Variants in TICRR observed in about 807,000 individuals in gnomAD.
TICRR encodes treslin.
TICRR carries 132 observed loss-of-function variants against 178.1 expected under a neutral mutation model. The observed-to-expected ratio is 0.74, with a 90% CI of 0.64 to 0.86. The LOEUF (loss-of-function observed/expected upper bound fraction) is 0.86, where lower values mean the gene tolerates loss of function less well. TICRR is among the 40% of genes least tolerant of loss of function. The pLI, the probability that TICRR is intolerant of heterozygous loss-of-function variation, is 0.00. For missense variants in TICRR, 2,587 were observed against 2,334.3 expected (o/e 1.11, Z -2.23); for synonymous variants, 991 against 900.7 (o/e 1.10, Z -1.79).
intron 15 of TICRR, among the ~76,000 whole-genome samples, chr15:89,612,563 C>T (rs1470473250): frequency 2.0e-5 from 3 of 152,228 alleles, no homozygotes; most frequent in African/African-American, 4.8e-5. Context: ...AGTTCATGCA[C>T]ATCATTCCCT....
In TICRR at chr15:89,625,616, G is replaced by T; in HGVS notation, c.5306G>T (p.Gly1769Val). Residue 1769 changes from glycine to valine, a missense_variant, in exon 20 of 22, where the codon GGG becomes GTG. Physicochemically the swap from Gly to Val is moderately radical, Grantham distance 109. Coordinates refer to ENST00000268138, the MANE Select transcript of TICRR (RefSeq NM_152259.4). ...GAAGCCTCTTCCTGGGGACAGTTTG[G>T]GTTGAGTTCCAGGAAGAGAGTCCTG... Reference protein sequence around the residue: ...AEEASSWGQFGLSSRKRVLLA... With the variant: ...AEEASSWGQFVLSSRKRVLLA... 1.2e-6 allele frequency: 2 copies of T among 1,613,268 alleles called. No individual in the cohort carries two copies. Among genetic ancestry groups the T allele is most frequent in the Non-Finnish European group, 1.7e-6 (2 of 1,179,996 alleles).
Position 89,601,983 on chromosome 15 carries a change from G to A in TICRR, c.2567+7G>A. The A allele has an allele frequency of 6.2e-7, 1 of 1,613,744 alleles. No homozygotes were observed. Among genetic ancestry groups the A allele is most frequent in the African/African-American group, 1.3e-5 (1 of 75,022 alleles). On this transcript the variant is annotated splice_region_variant and intron_variant, in intron 12 of 21. Transcript: ENST00000268138. ...GATCAGCCAAGAAGAGAAGGTAAGA[G>A]GTCAAAGAATCAAAGGAATTATTTG...
chr15:89,584,233 C>T, intron 2 of TICRR, 53 bp from the exon 3 acceptor site: 3 of 1,490,606 alleles, frequency 2.0e-6, no homozygotes, highest in East Asian at 2.4e-5. Context: ...GAATTTTAAT[C>T]TTTTTTTAAA....
chr15:89,587,708 A>G (rs1962845241), intron 4 of TICRR, among the ~76,000 whole-genome samples: 1 of 152,106 alleles, frequency 6.6e-6, no homozygotes. Context: ...TCACAACGTG[A>G]TGGTTGTGAT....
At chr15:89,626,307 G>A (rs552290889) in intron 21 of TICRR, among the ~76,000 whole-genome samples, 20 of 152,324 alleles carry the variant, frequency 1.3e-4, no homozygotes, top group African/African-American at 4.3e-4. Flanking sequence ...GTTGACAGTC[G>A]TGGGCTTGCC....
At chr15:89,598,251 G>A (rs571052094) in intron 7 of TICRR, among the ~76,000 whole-genome samples, 2 of 151,824 alleles carry the variant, frequency 1.3e-5, no homozygotes, top group Admixed American at 1.3e-4. Context: ...GGGATTACAG[G>A]CGTGAGCCAC....
At chr15:89,626,209 T>TC in intron 21 of TICRR, 148 bp downstream of exon 21, 1 of 812,750 alleles carries the variant, frequency 1.2e-6, no homozygotes, top group South Asian at 2.0e-5. Context: ...TGTGTGCCCT[T>TC]CCCAGAGAAA....
chr15:89,626,087 C>T (rs764779099), intron 21 of TICRR, 26 bp downstream of exon 21: 3 of 1,609,032 alleles, frequency 1.9e-6, no homozygotes, highest in South Asian at 2.2e-5. Context: ...GGTCTAGGAC[C>T]CTTTCCTGTG....
rs549454379 is a variant in TICRR, at chr15:89,625,420, G to A, written c.5110G>A (p.Glu1704Lys). ...CGCCGGCTCCTCTTCCGGGAGGGGC[G>A]AGGTCGGTGCAGACCTTCCTGGGAG... ...CGAGSSSGRG[E>K]VGADLPGSLS... The change falls in exon 20 of 22, where the codon GAG becomes AAG. Residue 1704 changes from glutamate (E) to lysine (K), a missense_variant. By Grantham distance (56) the Glu-to-Lys change is moderately conservative (BLOSUM62 1). Coordinates refer to ENST00000268138, the MANE Select transcript of TICRR (RefSeq NM_152259.4). 113 of 1,613,990 alleles carry A rather than the reference G, an allele frequency of 7.0e-5. No individual in the cohort carries two copies. The highest frequency in any genetic ancestry group is 8.7e-5 in the Non-Finnish European group (103 of 1,180,028).
At position 89,575,886 on chromosome 15, in the gene TICRR, G is replaced by T; in HGVS notation, c.300G>T (p.Thr100=). The T allele has an allele frequency of 6.3e-7, 1 of 1,587,114 alleles. No individual in the cohort carries two copies. Residue 100 remains threonine, a synonymous_variant, in exon 1 of 22, where the codon ACG becomes ACT. Transcript: ENST00000268138. The part of the protein sequence containing the change: ...LPGPAPRATH[T]HGALMETLLD... ...GCCCGGCGCCCAGGGCCACCCACAC[G>T]CACGGCGCCCTGATGGAGACGCTGC...
In TICRR at chr15:89,625,030, C is replaced by T. The variant is rs1302873022; in HGVS notation, c.4720C>T (p.Arg1574Ter). The T allele has an allele frequency of 2.5e-6, 4 of 1,614,024 alleles. No individual in the cohort carries two copies. Among genetic ancestry groups the T allele is most frequent in the Non-Finnish European group, 3.4e-6 (4 of 1,180,026 alleles). The change falls in exon 20 of 22, where the codon CGA becomes TGA. Residue 1574 changes from arginine to a stop codon, truncating the protein, a stop_gained. Transcript: ENST00000268138. LOFTEE classifies it high-confidence loss of function. ...GCAAGCTTCTGGCCTTCCCAAACTTCGAATTAAGAAGATAGACCCCAGCTC... is the reference window on the plus strand; with the variant it reads ...GCAAGCTTCTGGCCTTCCCAAACTTTGAATTAAGAAGATAGACCCCAGCTC... ...EMQASGLPKL[R>*]IKKIDPSSSL... is the part of the protein sequence containing the mutation.
Position 89,623,719 on chromosome 15 carries a change from A to G in TICRR, c.3409A>G (p.Arg1137Gly). ...ACAAACTCCGTTGTATACTCCAGAA[A>G]GGCTGCAGAAGTCCCCTGCAAAAAT... ...TPQTPLYTPE[R>G]LQKSPAKMTP... Residue 1137 changes from arginine to glycine, a missense_variant, in exon 20 of 22, where the codon AGG (arginine) becomes GGG (glycine). Coordinates refer to ENST00000268138, the MANE Select transcript of TICRR (RefSeq NM_152259.4). 6.2e-7 allele frequency: 1 copy of G among 1,614,142 alleles called. No homozygotes were observed.
At chr15:89,577,398 C>T (rs555951851) in intron 1 of TICRR, among the ~76,000 whole-genome samples, 113 of 152,190 alleles carry the variant, frequency 7.4e-4, no homozygotes, top group African/African-American at 2.7e-3. Flanking sequence ...ATTTAGTCAA[C>T]AAATGTTCAT....
chr15:89,624,690 C>T lies in TICRR; in HGVS notation c.4380C>T (p.Asp1460=), dbSNP rs1401826057. 2 of 1,613,988 alleles carry T rather than the reference C, an allele frequency of 1.2e-6. No individual in the cohort carries two copies. The highest frequency in any genetic ancestry group is 8.5e-7 in the Non-Finnish European group (1 of 1,180,034). ...HASSPLLITS[D]TEHVTLLSEA... ...CCTCTCCTCTGCTCATTACAAGTGA[C>T]ACAGAGCATGTCACTCTCCTCAGTG... Residue 1460 remains aspartate, a synonymous_variant, in exon 20 of 22, where the codon GAC becomes GAT. Transcript: ENST00000268138.
intron 15 of TICRR, among the ~76,000 whole-genome samples, chr15:89,614,140 C>G (rs182434405): frequency 4.0e-5 from 6 of 151,822 alleles, no homozygotes; most frequent in Admixed American, 1.3e-4. Context: ...GGCAACAGAG[C>G]GAGACTCTGT....
At position 89,627,126 on chromosome 15, in the gene TICRR, C is replaced by T; in HGVS notation, c.*40C>T. On this transcript the variant is annotated 3_prime_UTR_variant, in exon 22 of 22. Transcript: ENST00000268138. ...GAGCCCAAAAGATCAAGGAGTCAGC[C>T]AGGACCCTGTGGACATAAAGAAGTT... The T allele has an allele frequency of 1.2e-6, 2 of 1,611,486 alleles. No individual in the cohort carries two copies. Among genetic ancestry groups the T allele is most frequent in the Non-Finnish European group, 8.5e-7 (1 of 1,179,252 alleles).
intron 1 of TICRR, among the ~76,000 whole-genome samples, chr15:89,581,733 C>A (rs973945999): frequency 6.6e-6 from 1 of 152,170 alleles, no homozygotes; most frequent in African/African-American, 2.4e-5. Flanking sequence ...TGAAGAGTTA[C>A]TTTATTCTGG....
At chr15:89,608,986 G>A (rs1033475765) in intron 15 of TICRR, 37 bp downstream of exon 15, 19 of 1,552,178 alleles carry the variant, frequency 1.2e-5, no homozygotes, top group Middle Eastern at 1.7e-4. Flanking sequence ...AAAGGAAAGG[G>A]AGATTCTGTA....
intron 15 of TICRR, among the ~76,000 whole-genome samples, chr15:89,615,523 A>G (rs1963321643): frequency 6.6e-6 from 1 of 152,194 alleles, no homozygotes; most frequent in African/African-American, 2.4e-5. Flanking sequence ...GCAAACCTTT[A>G]ATTAATGTTC....
Sources: allele counts gnomAD v4.1 joint callset (sites outside exome capture counted in the v4.1 genomes callset), GRCh38; gene constraint gnomAD v4.1.1; transcripts MANE v1.5; gene names NCBI Gene and HGNC (gene_info 2026-07-23, HGNC 2026-07-21).